The following VSTM2A variants were observed in gnomAD, a reference collection of about 807,000 sequenced individuals.
The protein encoded by VSTM2A is V-set and transmembrane domain containing 2A.
Under a neutral mutation model 27.3 loss-of-function variants are expected in VSTM2A, and 13 were observed. That is an observed-to-expected ratio of 0.48 (90% CI 0.31 to 0.76). VSTM2A has a LOEUF of 0.76. VSTM2A is among the 30% of genes least tolerant of loss of function. The pLI, the probability that VSTM2A is intolerant of heterozygous loss-of-function variation, is 0.05. For missense variants in VSTM2A, 280 were observed against 310.0 expected (o/e 0.90, Z 0.73); for synonymous variants, 142 against 125.7 (o/e 1.13, Z -0.87).
At chr7:54,558,209 A>T (rs1788434795) in intron 4 of VSTM2A, 1 of 152,240 alleles carries the variant, frequency 6.6e-6, no homozygotes. Context: ...TGAGTTTTTA[A>T]AATCACAAAG....
chr7:54,569,644 TA>T lies in VSTM2A; in HGVS notation c.*426del, dbSNP rs1276421857. ...GAATAACATGAGAAAGAAATTTTTTTATTTTCCCCTTTTTTTCTTGGATTTT... is the reference window on the plus strand; with the variant it reads ...GAATAACATGAGAAAGAAATTTTTTTTTTTCCCCTTTTTTTCTTGGATTTT... On this transcript the variant is annotated 3_prime_UTR_variant, in exon 5 of 5. Coordinates refer to ENST00000402613, the MANE Select transcript of VSTM2A (RefSeq NM_001301009.2). The T allele has an allele frequency of 1.3e-5, 2 of 158,260 alleles. No individual in the cohort carries two copies. The highest frequency in any genetic ancestry group is 1.2e-4 in the Admixed American group (2 of 16,038). The allele number at this position is 158,260 out of a possible 1,614,324, so 9.8% of individuals were successfully genotyped here. A position where few individuals can be genotyped will look rare whatever the true frequency, so the allele number is the denominator to read the frequency against.
At chr7:54,549,771 A>T (rs916260070) in intron 3 of VSTM2A, 63 bp from the exon 4 acceptor site, 2 of 1,440,970 alleles carry the variant, frequency 1.4e-6, no homozygotes, top group African/African-American at 2.9e-5. Flanking sequence ...AGCTCAGGGT[A>T]AAAAATGGAA....
At chr7:54,563,269 G>C (rs951862708) in intron 4 of VSTM2A, among the ~76,000 whole-genome samples, 1 of 152,116 alleles carries the variant, frequency 6.6e-6, no homozygotes, top group Non-Finnish European at 1.5e-5. Context: ...CTGGATTTGA[G>C]TCTCACCTGT....
rs1584073914 is a variant in VSTM2A at position 54,570,112 on chromosome 7, T to C, written c.*893T>C. The C allele has an allele frequency of 6.6e-6, 1 of 152,320 alleles. No individual in the cohort carries two copies. Among genetic ancestry groups the C allele is most frequent in the East Asian group, 1.9e-4 (1 of 5,190 alleles). 9.4% of individuals were successfully genotyped at this position (152,320 alleles called of 1,614,324 possible). ...TCTGGAAAGTGCATATTCAAAATTG[T>C]ATCAGTCTCTGATCGATGAATTAAT... On this transcript the variant is annotated 3_prime_UTR_variant, in exon 5 of 5. Transcript: ENST00000402613.
intron 4 of VSTM2A, among the ~76,000 whole-genome samples, chr7:54,564,064 C>T (rs998152437): frequency 5.3e-5 from 8 of 152,160 alleles, no homozygotes; most frequent in Non-Finnish European, 1.0e-4. Flanking sequence ...AAGCTGGCAT[C>T]TGTAATAAAA....
At chr7:54,551,866 C>T (rs1788211925) in intron 4 of VSTM2A, 1 of 152,158 alleles carries the variant, frequency 6.6e-6, no homozygotes, top group South Asian at 2.1e-4. Flanking sequence ...TAGATGTCAT[C>T]AATCTGTTCG....
In VSTM2A at chr7:54,567,915, C is replaced by T. The variant is rs373602954; in HGVS notation, c.635-1216C>T. ...CAAAATCTCTGTACTTAGAACTGCA[C>T]GTGAACTGAGCTATCACTGTTGCAT... On this transcript the variant is annotated intron_variant, in intron 4 of 4. Coordinates refer to ENST00000402613, the MANE Select transcript of VSTM2A (RefSeq NM_001301009.2). 1.4e-4 allele frequency among the ~76,000 whole-genome samples: 22 copies of T among 152,230 alleles called. No homozygotes were observed. In the East Asian group the frequency reaches 1.7e-3, roughly 12 times the overall value.
chr7:54,546,903 G>C (rs369582560), intron 2 of VSTM2A, 44 bp from the exon 3 acceptor site: 10 of 1,592,624 alleles, frequency 6.3e-6, no homozygotes, highest in African/African-American at 1.4e-5. Context: ...GCGGGTGGTC[G>C]GGCGGGCCTG....
chr7:54,549,762 G>A (rs1788119394), intron 3 of VSTM2A, 72 bp from the exon 4 acceptor site: 5 of 1,388,180 alleles, frequency 3.6e-6, no homozygotes, highest in Non-Finnish European at 4.8e-6. Context: ...ATATTAGCAA[G>A]CTCAGGGTAA....
chr7:54,570,974 C>A lies in VSTM2A; in HGVS notation c.*1755C>A, dbSNP rs772057858. ...TCTTGACATTACCTGAGAAATAATACTTCATGCTAAATCTTTTACTGCCAC... is the reference window on the plus strand; with the variant it reads ...TCTTGACATTACCTGAGAAATAATAATTCATGCTAAATCTTTTACTGCCAC... On this transcript the variant is annotated 3_prime_UTR_variant, in exon 5 of 5. Coordinates refer to ENST00000402613, the MANE Select transcript of VSTM2A (RefSeq NM_001301009.2). The A allele has an allele frequency of 6.6e-6, 1 of 152,168 alleles. No homozygotes were observed. The highest frequency in any genetic ancestry group is 1.5e-5 in the Non-Finnish European group (1 of 68,018). The allele number at this position is 152,168 out of a possible 1,614,324, so 9.4% of individuals were successfully genotyped here.
intron 4 of VSTM2A, 66 bp downstream of exon 4, chr7:54,550,236 T>C: frequency 6.5e-7 from 1 of 1,549,258 alleles, no homozygotes; most frequent in Non-Finnish European, 8.7e-7. Flanking sequence ...AGGTCAGTCG[T>C]ATAGAGTAGA....
chr7:54,544,855 G>A, intron 2 of VSTM2A, 67 bp downstream of exon 2: 1 of 1,493,476 alleles, frequency 6.7e-7, no homozygotes, highest in East Asian at 2.5e-5. Flanking sequence ...CCGGCCCGGG[G>A]CTGGGGGCCG....
chr7:54,543,207 T>A (rs1787841479), intron 1 of VSTM2A, among the ~76,000 whole-genome samples: 1 of 152,204 alleles, frequency 6.6e-6, no homozygotes, highest in Admixed American at 6.5e-5. Flanking sequence ...GTAGTCAGAC[T>A]GGGCTTAGAG....
intron 4 of VSTM2A, chr7:54,554,223 C>G: frequency 1.5e-6 from 2 of 1,339,466 alleles, no homozygotes; most frequent in Admixed American, 2.5e-5. Context: ...ACTCTTACCT[C>G]TCTTCTCTTT....
chr7:54,564,094 C>T (rs887398894), intron 4 of VSTM2A, among the ~76,000 whole-genome samples: 3 of 152,072 alleles, frequency 2.0e-5, no homozygotes, highest in Non-Finnish European at 2.9e-5. Context: ...GTTGAAGGGC[C>T]GCGTCTACTC....
In VSTM2A at chr7:54,547,009, G is replaced by GC. The variant is rs1788021551; in HGVS notation, c.297+13dup. On this transcript the variant is annotated intron_variant, in intron 3 of 4. Coordinates refer to ENST00000402613, the MANE Select transcript of VSTM2A (RefSeq NM_001301009.2). Reference sequence around the variant, plus strand: ...GGACCAAGATCAGCGTGAGTGCGGGGCGCGCCAAGGGCCGCGGGCCCAGGC... The same window carrying GC: ...GGACCAAGATCAGCGTGAGTGCGGGGCCGCGCCAAGGGCCGCGGGCCCAGGC... 1 of 1,583,890 alleles carries GC rather than the reference G, an allele frequency of 6.3e-7. No homozygotes were observed. The highest frequency in any genetic ancestry group is 1.1e-5 in the South Asian group (1 of 88,660).
intron 2 of VSTM2A, chr7:54,546,616 G>T (rs937822763): frequency 1.9e-4 from 34 of 176,706 alleles, no homozygotes; most frequent in Admixed American, 1.6e-3. Flanking sequence ...GTCAACCCGC[G>T]AAAAAGACCC....
chr7:54,550,925 C>G (rs532007706), intron 4 of VSTM2A: 11 of 152,172 alleles, frequency 7.2e-5, no homozygotes, highest in African/African-American at 1.9e-4. Flanking sequence ...ACCCCGCGGC[C>G]GTCCCGATTT....
At chr7:54,563,626 G>A (rs910101442) in intron 4 of VSTM2A, among the ~76,000 whole-genome samples, 11 of 152,300 alleles carry the variant, frequency 7.2e-5, no homozygotes, top group African/African-American at 2.6e-4. Flanking sequence ...AGAGAGAACA[G>A]TCTCTGGTGA....
Sources: allele counts gnomAD v4.1 joint callset (sites outside exome capture counted in the v4.1 genomes callset), GRCh38; gene constraint gnomAD v4.1.1; transcripts MANE v1.5; gene names NCBI Gene and HGNC (gene_info 2026-07-23, HGNC 2026-07-21).